The following TTC28 variants were observed in gnomAD, a reference collection of about 807,000 sequenced individuals.
TTC28 encodes the protein tetratricopeptide repeat domain 28, also known as tetratricopeptide repeat protein 28.
In TTC28, 61 loss-of-function variants were observed where a neutral mutation model predicts 198.0. The observed-to-expected ratio is 0.31, with a 90% CI of 0.25 to 0.38. The LOEUF (loss-of-function observed/expected upper bound fraction) is 0.38, where lower values mean the gene tolerates loss of function less well. Ranked by LOEUF, TTC28 falls within the 10% of genes least tolerant of loss-of-function variation. The probability of loss-of-function intolerance (pLI) is 1.00; values close to 1 mark genes in which losing one functional copy is unlikely to be tolerated. For missense variants in TTC28, 2,678 were observed against 3,164.0 expected (o/e 0.85, Z 3.69); for synonymous variants, 1,171 against 1,297.8 (o/e 0.90, Z 2.10).
At chr22:28,309,032 T>C (rs2045202387) in intron 2 of TTC28, among the ~76,000 whole-genome samples, 1 of 152,196 alleles carries the variant, frequency 6.6e-6, no homozygotes, top group African/African-American at 2.4e-5. Context: ...TTTATACTTT[T>C]GTGAGAGAGA....
In TTC28 at chr22:28,378,310, C is replaced by T. The variant is rs147968618; in HGVS notation, c.382-71667G>A. Among the ~76,000 whole-genome samples, 631 of 143,340 alleles carry T rather than the reference C, an allele frequency of 4.4e-3. 4 individuals are homozygous for T. Among genetic ancestry groups the T allele is most frequent in the Non-Finnish European group, 6.2e-3 (414 of 66,726 alleles). The allele number at this position is 143,340 out of a possible 152,430, so 94.0% of individuals were successfully genotyped here. On this transcript the variant is annotated intron_variant, in intron 2 of 22. Coordinates refer to ENST00000397906, the MANE Select transcript of TTC28 (RefSeq NM_001145418.2). ...GCAGTGAGCCAAGATCTCACCACTG[C>T]ACTCCAATCTAGGATACAGAGTGAG...
chr22:28,328,793 A>C (rs960785307), intron 2 of TTC28, among the ~76,000 whole-genome samples: 1 of 146,140 alleles, frequency 6.8e-6, no homozygotes, highest in African/African-American at 2.5e-5. Flanking sequence ...TAATAATAAT[A>C]ATAATAATAA....
At chr22:28,575,750 T>C (rs943996734) in intron 2 of TTC28, among the ~76,000 whole-genome samples, 8 of 152,134 alleles carry the variant, frequency 5.3e-5, no homozygotes, top group Non-Finnish European at 1.0e-4. Context: ...TATTCCTAGG[T>C]ATATTATATG....
At chr22:28,187,128 A>G (rs925408172) in intron 5 of TTC28, among the ~76,000 whole-genome samples, 2 of 152,176 alleles carry the variant, frequency 1.3e-5, no homozygotes, top group African/African-American at 4.8e-5. Context: ...TGGCTGTAAT[A>G]TAAGAAAAAT....
chr22:28,104,200 C>A (rs998171401), intron 8 of TTC28, among the ~76,000 whole-genome samples: 1 of 152,206 alleles, frequency 6.6e-6, no homozygotes, highest in African/African-American at 2.4e-5. Context: ...TACTCTGCAA[C>A]TGTAAAGTTA....
intron 2 of TTC28, among the ~76,000 whole-genome samples, chr22:28,592,151 G>A (rs544795149): frequency 3.3e-5 from 5 of 152,094 alleles, no homozygotes; most frequent in African/African-American, 1.2e-4. Flanking sequence ...AGCTATGAGT[G>A]GGGGACCTGG....
At chr22:28,094,791 GC>G (rs1326746751) in intron 11 of TTC28, among the ~76,000 whole-genome samples, 1 of 152,096 alleles carries the variant, frequency 6.6e-6, no homozygotes, top group Non-Finnish European at 1.5e-5. Context: ...AATTAAAGGA[GC>G]AAAAAATGAT....
chr22:28,107,672 T>C lies in TTC28; in HGVS notation c.2173A>G (p.Ile725Val). The part of the protein sequence containing the change: ...RALGNLGDIF[I>V]CKKDINGAIK... Reference sequence around the variant, plus strand: ...GCACCATTTATATCTTTTTTACAGATGAATATATCGCCCAGGTTTCCTAGG... The same window carrying C: ...GCACCATTTATATCTTTTTTACAGACGAATATATCGCCCAGGTTTCCTAGG... The change falls in exon 7 of 23, where the codon ATC becomes GTC. Residue 725 changes from isoleucine (I) to valine (V), a missense_variant. Physicochemically the swap from Ile to Val is conservative, Grantham distance 29. This residue lies in a region of TTC28 where 775 missense variants were observed against 845.9 expected (regional missense o/e 0.92). Transcript: ENST00000397906. 6.4e-7 allele frequency: 1 copy of C among 1,551,800 alleles called. No homozygotes were observed. Among genetic ancestry groups the C allele is most frequent in the Admixed American group, 2.0e-5 (1 of 51,018 alleles).
chr22:28,124,294 A>G (rs781051233), intron 6 of TTC28, among the ~76,000 whole-genome samples: 8 of 152,086 alleles, frequency 5.3e-5, no homozygotes, highest in South Asian at 2.1e-4. Context: ...TTGTGCTCCA[A>G]TGGAGTTTGG....
At chr22:28,637,893 CAA>C (rs2051301605) in intron 1 of TTC28, among the ~76,000 whole-genome samples, 1 of 151,914 alleles carries the variant, frequency 6.6e-6, no homozygotes, top group Admixed American at 6.6e-5. Flanking sequence ...AAATGGAAAC[CAA>C]AAGAGAGCAG....
At chr22:28,449,939 G>T (rs115631415) in intron 2 of TTC28, among the ~76,000 whole-genome samples, 1 of 152,072 alleles carries the variant, frequency 6.6e-6, no homozygotes, top group African/African-American at 2.4e-5. Flanking sequence ...TTCACCATCC[G>T]TTAGAAAAAG....
chr22:28,165,302 C>T (rs549047927), intron 5 of TTC28, among the ~76,000 whole-genome samples: 2 of 152,270 alleles, frequency 1.3e-5, no homozygotes, highest in Non-Finnish European at 2.9e-5. Context: ...GGCAGGCCAA[C>T]ATTCAAATTC....
intron 5 of TTC28, among the ~76,000 whole-genome samples, chr22:28,227,409 T>C (rs1243861883): frequency 7.2e-5 from 11 of 152,184 alleles, no homozygotes; most frequent in Non-Finnish European, 1.6e-4. Context: ...TCAAAATTAA[T>C]AACTTTTGTG....
At chr22:28,563,619 C>T (rs1205469708) in intron 2 of TTC28, among the ~76,000 whole-genome samples, 3 of 152,130 alleles carry the variant, frequency 2.0e-5, no homozygotes, top group Non-Finnish European at 4.4e-5. Flanking sequence ...CTTACACCTA[C>T]TAGACTGACT....
At chr22:28,082,010 A>G (rs949802692) in intron 12 of TTC28, among the ~76,000 whole-genome samples, 1 of 151,846 alleles carries the variant, frequency 6.6e-6, no homozygotes, top group African/African-American at 2.4e-5. Flanking sequence ...GTAATTTTTG[A>G]TGCTTTGGTA....
chr22:28,262,820 G>T (rs1931417082), intron 5 of TTC28, among the ~76,000 whole-genome samples: 1 of 152,122 alleles, frequency 6.6e-6, no homozygotes, highest in African/African-American at 2.4e-5. Context: ...TCCTTATGGG[G>T]AGAGGATGGT....
intron 2 of TTC28, among the ~76,000 whole-genome samples, chr22:28,504,001 C>T (rs549965678): frequency 3.2e-4 from 49 of 152,314 alleles, no homozygotes; most frequent in Middle Eastern, 3.4e-3. Flanking sequence ...CTCACAATTA[C>T]GCTTGAGTCA....
intron 2 of TTC28, among the ~76,000 whole-genome samples, chr22:28,388,672 G>A (rs2046659550): frequency 6.6e-6 from 1 of 152,192 alleles, no homozygotes; most frequent in South Asian, 2.1e-4. Flanking sequence ...GAACGCTTGT[G>A]ACTTTTGTAC....
intron 2 of TTC28, among the ~76,000 whole-genome samples, chr22:28,335,099 T>C (rs533916683): frequency 6.6e-6 from 1 of 152,296 alleles, no homozygotes; most frequent in South Asian, 2.1e-4. Flanking sequence ...CAGCACCATT[T>C]ATTAAATAGG....
Sources: gnomAD v4.1 joint callset for allele counts (sites outside exome capture counted in the v4.1 genomes callset) on GRCh38, gnomAD v4.1.1 for gene constraint, gnomAD v4.1.1 regional missense constraint, MANE v1.5 for transcripts, NCBI Gene and HGNC (gene_info 2026-07-23, HGNC 2026-07-21) for gene names.